PDZD9: variants seen among roughly 807,000 people sequenced by gnomAD.
PDZD9 encodes the protein PDZ domain-containing protein 9.
In PDZD9, 13 loss-of-function variants were observed where a neutral mutation model predicts 16.3. The ratio of observed to expected loss-of-function variants is 0.80; its 90% CI spans 0.52 to 1.27. The LOEUF (loss-of-function observed/expected upper bound fraction) is 1.27, where lower values mean the gene tolerates loss of function less well. Ranked by LOEUF, PDZD9 falls within the 50% of genes most tolerant of loss-of-function variation. The pLI is 0.00. For synonymous variants in PDZD9, 120 were observed against 111.0 expected, an observed-to-expected ratio of 1.08 and a Z score of -0.51; for missense variants, 288 against 310.9, an observed-to-expected ratio of 0.93 and a Z score of 0.55.
At chr16:22,000,056 A>C (rs28465006) in intron 1 of PDZD9, among the ~76,000 whole-genome samples, 2,151 of 151,900 alleles carry the variant, frequency 0.014, 55 homozygotes, top group African/African-American at 0.049. Flanking sequence ...AAAAAAAAAA[A>C]TTAGCTGAAT....
At chr16:21,972,127 G>A in the PDZD9 span, 3 of 1,611,282 alleles carry the variant, frequency 1.9e-6, no homozygotes, top group Middle Eastern at 3.3e-4. Context: ...TTTGATGTGA[G>A]TCTGAACAGT....
chr16:21,984,425 T>C lies in PDZD9; in HGVS notation c.637A>G (p.Lys213Glu). Residue 213 changes from lysine (K) to glutamate (E), a missense_variant, in exon 4 of 4, where the codon AAG (lysine) becomes GAG (glutamate). Lys to Glu is a moderately conservative substitution (Grantham distance 56). Coordinates refer to ENST00000424898, the MANE Select transcript of PDZD9 (RefSeq NM_001363519.1). Reference sequence around the variant, plus strand: ...GGAGAAGGGGCCCTCACTTCTTTCTTGTCGTCTCTGTGAATCATCACGTCA... The same window carrying C: ...GGAGAAGGGGCCCTCACTTCTTTCTCGTCGTCTCTGTGAATCATCACGTCA... Reference protein sequence around the residue: ...NCDVMIHRDDKKEVRAPSPYW... With the variant: ...NCDVMIHRDDEKEVRAPSPYW... 6.2e-7 allele frequency: 1 copy of C among 1,614,182 alleles called. No individual in the cohort carries two copies. Among genetic ancestry groups the C allele is most frequent in the Non-Finnish European group, 8.5e-7 (1 of 1,180,010 alleles).
chr16:21,968,681 A>G, the PDZD9 span: 1 of 1,608,944 alleles, frequency 6.2e-7, no homozygotes, highest in East Asian at 2.2e-5. Flanking sequence ...CTTTGATTGG[A>G]CTTGGTAAGT....
intron 2 of PDZD9, among the ~76,000 whole-genome samples, chr16:21,990,606 T>C (rs1898998433): frequency 6.6e-6 from 1 of 152,194 alleles, no homozygotes; most frequent in East Asian, 1.9e-4. Context: ...TTGAGCAATA[T>C]GAAACAGCTG....
At chr16:21,980,579 T>G, downstream of PDZD9, 2 of 1,614,138 alleles carry the variant, frequency 1.2e-6, no homozygotes, top group Non-Finnish European at 1.7e-6. Flanking sequence ...CTAATGTCAG[T>G]GGAGTCTTCT....
At chr16:21,988,571 T>G (rs1189046892) in intron 3 of PDZD9, 31 bp downstream of exon 3, 1 of 1,548,102 alleles carries the variant, frequency 6.5e-7, no homozygotes, top group African/African-American at 1.4e-5. Context: ...TTCTGTATTA[T>G]AACAAAGAGT....
the PDZD9 span, chr16:21,962,777 T>C: frequency 6.2e-7 from 1 of 1,613,978 alleles, no homozygotes; most frequent in African/African-American, 1.3e-5. Context: ...TCTAATGGAG[T>C]TCCTGCTCAA....
At chr16:21,989,521 C>T (rs1226714094) in intron 2 of PDZD9, among the ~76,000 whole-genome samples, 1 of 152,144 alleles carries the variant, frequency 6.6e-6, no homozygotes, top group Non-Finnish European at 1.5e-5. Flanking sequence ...TTCTATTATA[C>T]CTGCCTGGCA....
chr16:21,974,483 T>C, the PDZD9 span, among the ~76,000 whole-genome samples: 2 of 152,198 alleles, frequency 1.3e-5, no homozygotes, highest in African/African-American at 4.8e-5. Context: ...TAACACCATT[T>C]TGACCCACAG....
At chr16:21,957,704 A>T in the PDZD9 span, 1 of 1,284,536 alleles carries the variant, frequency 7.8e-7, no homozygotes, top group South Asian at 1.5e-5. Flanking sequence ...GGGTAGCTTA[A>T]ACCAAATAAG....
chr16:21,988,511 T>G, intron 3 of PDZD9, 91 bp downstream of exon 3: 2 of 1,079,204 alleles, frequency 1.9e-6, no homozygotes, highest in South Asian at 3.2e-5. Flanking sequence ...ATGATCCTTA[T>G]CATTTGATAA....
chr16:21,985,164 G>A (rs1365508955), intron 3 of PDZD9, among the ~76,000 whole-genome samples: 2 of 151,992 alleles, frequency 1.3e-5, no homozygotes, highest in Non-Finnish European at 2.9e-5. Context: ...ACCCTTGCTG[G>A]AGTGCAGTGG....
At chr16:21,965,782 C>T in the PDZD9 span, among the ~76,000 whole-genome samples, 1 of 152,072 alleles carries the variant, frequency 6.6e-6, no homozygotes, top group East Asian at 1.9e-4. Flanking sequence ...ATCTCACATA[C>T]CTAAAGGCAC....
Position 21,986,030 on chromosome 16 carries a change from A to C in PDZD9, c.402-1370T>G, listed in dbSNP as rs1026480763. Among the ~76,000 whole-genome samples the C allele has an allele frequency of 2.0e-5, 3 of 152,066 alleles. 1 individual carries two copies. The highest frequency in any genetic ancestry group is 2.9e-5 in the Non-Finnish European group (2 of 68,004). The stretch of plus-strand genomic sequence containing the variant: ...TCTGATGGTTAGGTAACCATAAAGG[A>C]CAGGTAAATTGTCATTAGGTAATAA... On this transcript the variant is annotated intron_variant, in intron 3 of 3. Transcript: ENST00000424898.
the PDZD9 span, chr16:21,958,389 C>T: frequency 2.8e-6 from 2 of 718,678 alleles, no homozygotes; most frequent in Non-Finnish European, 4.7e-6. Flanking sequence ...TTTGTTGAGC[C>T]TTGTTTTATA....
the PDZD9 span, chr16:21,962,577 T>C: frequency 6.2e-7 from 1 of 1,610,158 alleles, no homozygotes. Flanking sequence ...TGCTCACTTC[T>C]GGTCTTTGTA....
chr16:21,969,170 G>A, the PDZD9 span, among the ~76,000 whole-genome samples: 1 of 152,144 alleles, frequency 6.6e-6, no homozygotes, highest in East Asian at 1.9e-4. Flanking sequence ...GGAGAAATAG[G>A]CACTCTCACA....
chr16:21,971,531 G>A, the PDZD9 span: 3 of 1,613,476 alleles, frequency 1.9e-6, no homozygotes, highest in Non-Finnish European at 2.5e-6. Context: ...ACAGGTGTGA[G>A]TCATCCTGTT....
chr16:21,974,005 C>G, the PDZD9 span: 2 of 1,573,422 alleles, frequency 1.3e-6, no homozygotes, highest in Non-Finnish European at 1.7e-6. Flanking sequence ...AAACTTCTTT[C>G]ATGAACAAGT....
Sources: allele counts gnomAD v4.1 joint callset (sites outside exome capture counted in the v4.1 genomes callset), GRCh38; gene constraint gnomAD v4.1.1; transcripts MANE v1.5; gene names NCBI Gene and HGNC (gene_info 2026-07-23, HGNC 2026-07-21).